The following ITPR2 variants were observed in gnomAD, a reference collection of about 807,000 sequenced individuals.
ITPR2 encodes the protein inositol 1,4,5-trisphosphate-gated calcium channel ITPR2.
Under a neutral mutation model 317.1 loss-of-function variants are expected in ITPR2, and 207 were observed. The ratio of observed to expected loss-of-function variants is 0.65; its 90% CI spans 0.58 to 0.73. ITPR2 has a LOEUF of 0.73. Ranked by LOEUF, ITPR2 falls within the 30% of genes least tolerant of loss-of-function variation. The pLI is 0.00. For missense variants in ITPR2, 2,613 were observed against 3,284.0 expected (o/e 0.80, Z 4.99); for synonymous variants, 1,156 against 1,149.1 (o/e 1.01, Z -0.12).
intron 36 of ITPR2, among the ~76,000 whole-genome samples, chr12:26,554,127 A>C (rs1485974971): frequency 2.0e-5 from 3 of 152,306 alleles, no homozygotes; most frequent in East Asian, 3.9e-4. Context: ...TATTTGCTTG[A>C]TATCATGAGT....
intron 55 of ITPR2, among the ~76,000 whole-genome samples, chr12:26,358,067 A>G (rs894354290): frequency 1.3e-5 from 2 of 152,144 alleles, no homozygotes; most frequent in Non-Finnish European, 2.9e-5. Flanking sequence ...GGCAGAAAAG[A>G]TTTATCTGGG....
intron 45 of ITPR2, among the ~76,000 whole-genome samples, chr12:26,450,852 A>G (rs1941722219): frequency 6.6e-6 from 1 of 152,040 alleles, no homozygotes. Flanking sequence ...GGGGGAGGGG[A>G]AAGTCAGGAG....
intron 13 of ITPR2, among the ~76,000 whole-genome samples, chr12:26,669,923 C>T (rs984272466): frequency 2.0e-5 from 3 of 152,368 alleles, no homozygotes; most frequent in Admixed American, 6.5e-5. Flanking sequence ...GAGGGTCCTA[C>T]GCCCATGGGG....
chr12:26,389,646 G>A (rs909708869), intron 54 of ITPR2, among the ~76,000 whole-genome samples: 1 of 152,114 alleles, frequency 6.6e-6, no homozygotes, highest in African/African-American at 2.4e-5. Context: ...GGTTTAACCT[G>A]ATCATCCTGT....
chr12:26,543,592 G>A (rs950257724), intron 37 of ITPR2, among the ~76,000 whole-genome samples: 2 of 152,090 alleles, frequency 1.3e-5, no homozygotes, highest in Non-Finnish European at 2.9e-5. Context: ...TGACCAAGAT[G>A]GTGAAACCCT....
chr12:26,376,347 C>A (rs764842915), intron 55 of ITPR2, among the ~76,000 whole-genome samples: 3 of 152,150 alleles, frequency 2.0e-5, no homozygotes, highest in Non-Finnish European at 4.4e-5. Flanking sequence ...CCTGTGGAAC[C>A]CTTTCCCTCT....
intron 53 of ITPR2, among the ~76,000 whole-genome samples, chr12:26,399,801 A>G (rs1940111575): frequency 6.6e-6 from 1 of 152,190 alleles, no homozygotes; most frequent in Non-Finnish European, 1.5e-5. Context: ...TGCTCAAGAA[A>G]CCTGATAGGC....
rs541179314 is a variant in ITPR2 at position 26,726,081 on chromosome 12, T to C, written c.164-316A>G. 10 of 202,412 alleles carry C rather than the reference T, an allele frequency of 4.9e-5. No homozygotes were observed. In the South Asian group the frequency reaches 9.6e-4, roughly 19 times the overall value. 12.5% of individuals were successfully genotyped at this position (202,412 alleles called of 1,614,324 possible). A position where few individuals can be genotyped will look rare whatever the true frequency, so the allele number is the denominator to read the frequency against. On this transcript the variant is annotated intron_variant, in intron 2 of 56. Transcript: ENST00000381340. ...ATTAATTATAATGGGGCACCTGGTC[T>C]TAGAAAGCAAATAGAATGAGATTAG...
intron 55 of ITPR2, 55 bp from the exon 56 acceptor site, chr12:26,340,383 T>C: frequency 6.8e-7 from 1 of 1,464,188 alleles, no homozygotes; most frequent in Non-Finnish European, 9.1e-7. Flanking sequence ...GGGGAGAATG[T>C]CTATAGCTGT....
At chr12:26,458,759 T>G (rs573135546) in intron 45 of ITPR2, among the ~76,000 whole-genome samples, 13 of 152,206 alleles carry the variant, frequency 8.5e-5, no homozygotes, top group African/African-American at 2.7e-4. Flanking sequence ...GTGAGCCCAC[T>G]TGCAGCATCC....
intron 45 of ITPR2, among the ~76,000 whole-genome samples, chr12:26,469,804 G>A (rs1297034497): frequency 6.6e-6 from 1 of 152,146 alleles, no homozygotes; most frequent in Non-Finnish European, 1.5e-5. Flanking sequence ...TAAACTGATG[G>A]ATCGAGGGCT....
intron 13 of ITPR2, among the ~76,000 whole-genome samples, chr12:26,669,557 C>A (rs188098541): frequency 6.6e-6 from 1 of 152,112 alleles, no homozygotes; most frequent in African/African-American, 2.4e-5. Context: ...ATTACCAAGT[C>A]GGGGGAGGAG....
intron 1 of ITPR2, among the ~76,000 whole-genome samples, chr12:26,809,672 GC>G (rs1033000468): frequency 6.6e-6 from 1 of 152,094 alleles, no homozygotes; most frequent in Non-Finnish European, 1.5e-5. Flanking sequence ...GTTTTCAGGG[GC>G]TTGGCGGGGG....
At chr12:26,694,754 C>A (rs1294834378) in intron 10 of ITPR2, among the ~76,000 whole-genome samples, 2 of 152,078 alleles carry the variant, frequency 1.3e-5, no homozygotes, top group African/African-American at 4.8e-5. Context: ...AAGAGCCCAC[C>A]CAGTGCGCTA....
chr12:26,647,140 A>G (rs1004293693), intron 21 of ITPR2, among the ~76,000 whole-genome samples: 5 of 152,206 alleles, frequency 3.3e-5, no homozygotes, highest in African/African-American at 1.2e-4. Context: ...CATGTTGGAG[A>G]TCCAAAGTTG....
At chr12:26,410,420 G>A (rs1940507543) in intron 52 of ITPR2, among the ~76,000 whole-genome samples, 1 of 152,076 alleles carries the variant, frequency 6.6e-6, no homozygotes, top group Non-Finnish European at 1.5e-5. Context: ...TATTCCTCAA[G>A]CAATAGTCCA....
chr12:26,753,113 TAG>T (rs1424192275), intron 2 of ITPR2, among the ~76,000 whole-genome samples: 4 of 152,064 alleles, frequency 2.6e-5, no homozygotes, highest in African/African-American at 9.7e-5. Context: ...TTAGGGGAAT[TAG>T]AGTCTCTCCT....
At chr12:26,631,011 T>C (rs1185351674) in intron 22 of ITPR2, among the ~76,000 whole-genome samples, 2 of 152,164 alleles carry the variant, frequency 1.3e-5, no homozygotes, top group African/African-American at 4.8e-5. Flanking sequence ...CTAATTACTT[T>C]AAATGAACAA....
At chr12:26,769,027 C>CACACACACACACCAATCTCAGCCA (rs55797555) in intron 2 of ITPR2, among the ~76,000 whole-genome samples, 1 of 112,316 alleles carries the variant, frequency 8.9e-6, no homozygotes, top group Non-Finnish European at 1.7e-5. Context: ...ACACACACAC[C>CACACACACACACCAATCTCAGCCA]CCAATCTCAG....
Sources: gnomAD v4.1 joint callset for allele counts (sites outside exome capture counted in the v4.1 genomes callset) on GRCh38, gnomAD v4.1.1 for gene constraint, MANE v1.5 for transcripts, NCBI Gene and HGNC (gene_info 2026-07-23, HGNC 2026-07-21) for gene names.